LUZP2: variants seen among roughly 807,000 people sequenced by gnomAD.
The protein encoded by LUZP2 is leucine zipper protein 2.
Under a neutral mutation model 51.6 loss-of-function variants are expected in LUZP2, and 52 were observed. That is an observed-to-expected ratio of 1.01 (90% CI 0.81 to 1.27). LUZP2 has a LOEUF of 1.27. Among genes scored for constraint, LUZP2 ranks in the 50% most tolerant of loss-of-function variants. The probability of loss-of-function intolerance (pLI) is 0.00; values close to 1 mark genes in which losing one functional copy is unlikely to be tolerated. For missense variants in LUZP2, 436 were observed against 395.4 expected, an observed-to-expected ratio of 1.10 and a Z score of -0.87; for synonymous variants, 154 against 137.3, an observed-to-expected ratio of 1.12 and a Z score of -0.85.
chr11:24,587,353 C>CAT, intron 1 of LUZP2, among the ~76,000 whole-genome samples: 1 of 152,062 alleles, frequency 6.6e-6, no homozygotes, highest in African/African-American at 2.4e-5. Flanking sequence ...TCAGAATTCC[C>CAT]TATCTGGAAT....
intron 1 of LUZP2, among the ~76,000 whole-genome samples, chr11:24,595,559 A>G (rs1853413898): frequency 6.6e-6 from 1 of 152,176 alleles, no homozygotes; most frequent in Non-Finnish European, 1.5e-5. Context: ...ATTTTTTTAC[A>G]TTAGAGGTTA....
chr11:24,686,768 C>T (rs1856908166), intron 1 of LUZP2, among the ~76,000 whole-genome samples: 1 of 152,150 alleles, frequency 6.6e-6, no homozygotes, highest in Admixed American at 6.5e-5. Context: ...TAGGTGAATA[C>T]TATATAATTT....
chr11:24,903,895 T>G (rs1565085000), intron 5 of LUZP2, among the ~76,000 whole-genome samples: 2 of 152,174 alleles, frequency 1.3e-5, no homozygotes, highest in Non-Finnish European at 2.9e-5. Context: ...TGTATACTCA[T>G]TCAGAAAGAG....
At chr11:24,517,822 C>A (rs562930751) in intron 1 of LUZP2, among the ~76,000 whole-genome samples, 7 of 152,030 alleles carry the variant, frequency 4.6e-5, no homozygotes, top group Non-Finnish European at 8.8e-5. Context: ...AAAGAAAAAT[C>A]CTTTTGTGTT....
chr11:24,656,393 G>A (rs1855804941), intron 1 of LUZP2, among the ~76,000 whole-genome samples: 1 of 152,140 alleles, frequency 6.6e-6, no homozygotes, highest in African/African-American at 2.4e-5. Flanking sequence ...GTAGATAGAG[G>A]CTTGGTTACC....
chr11:24,723,464 A>G (rs1858355066), intron 1 of LUZP2, among the ~76,000 whole-genome samples: 1 of 152,236 alleles, frequency 6.6e-6, no homozygotes, highest in Non-Finnish European at 1.5e-5. Context: ...GGAAAAAGTC[A>G]CAAGTGTCTA....
chr11:25,002,278 A>G (rs1004932999), intron 9 of LUZP2, among the ~76,000 whole-genome samples: 9 of 152,170 alleles, frequency 5.9e-5, no homozygotes, highest in Admixed American at 2.0e-4. Context: ...CCACAAATGA[A>G]CTTCCATCGT....
intron 5 of LUZP2, among the ~76,000 whole-genome samples, chr11:24,860,326 G>T (rs542454086): frequency 6.6e-6 from 1 of 152,294 alleles, no homozygotes; most frequent in African/African-American, 2.4e-5. Flanking sequence ...GGGAGGGGTG[G>T]CTGCAGCCTC....
intron 5 of LUZP2, among the ~76,000 whole-genome samples, chr11:24,846,331 C>T (rs1004953285): frequency 7.9e-5 from 12 of 151,366 alleles, no homozygotes; most frequent in Non-Finnish European, 1.3e-4. Context: ...AAGTCAAATC[C>T]GCCAAATAAA....
chr11:24,916,087 A>G (rs948704814), intron 7 of LUZP2, among the ~76,000 whole-genome samples: 4 of 152,026 alleles, frequency 2.6e-5, no homozygotes, highest in Non-Finnish European at 5.9e-5. Flanking sequence ...ATAATGACAC[A>G]TGCTGGCACT....
At chr11:24,503,391 C>A (rs1324551113) in intron 1 of LUZP2, among the ~76,000 whole-genome samples, 1 of 152,080 alleles carries the variant, frequency 6.6e-6, no homozygotes, top group Admixed American at 6.5e-5. Context: ...AGAGAAAGTG[C>A]AAATATTTAC....
At chr11:24,806,051 A>T (rs1849847741) in intron 5 of LUZP2, among the ~76,000 whole-genome samples, 1 of 152,188 alleles carries the variant, frequency 6.6e-6, no homozygotes, top group Admixed American at 6.6e-5. Context: ...GTGTTGGAAG[A>T]TATGAAGAGA....
At chr11:24,659,558 C>T (rs536904097) in intron 1 of LUZP2, among the ~76,000 whole-genome samples, 48 of 151,870 alleles carry the variant, frequency 3.2e-4, no homozygotes, top group African/African-American at 1.1e-3. Context: ...TACCCTAAAA[C>T]TTTAAGTATA....
intron 5 of LUZP2, among the ~76,000 whole-genome samples, chr11:24,882,419 A>T (rs977120153): frequency 1.3e-5 from 2 of 152,060 alleles, no homozygotes; most frequent in African/African-American, 4.8e-5. Flanking sequence ...TACATGTATT[A>T]CAATCAATAA....
At chr11:24,862,927 AAAC>A (rs1420884533) in intron 5 of LUZP2, among the ~76,000 whole-genome samples, 1 of 152,234 alleles carries the variant, frequency 6.6e-6, no homozygotes, top group African/African-American at 2.4e-5. Context: ...TTTTTTAAGA[AAAC>A]AATTAATAAG....
intron 6 of LUZP2, among the ~76,000 whole-genome samples, chr11:24,911,125 A>G (rs1272954508): frequency 1.3e-5 from 2 of 152,050 alleles, no homozygotes; most frequent in Admixed American, 1.3e-4. Flanking sequence ...CTTCATTTGG[A>G]ATGGGTATAT....
intron 5 of LUZP2, among the ~76,000 whole-genome samples, chr11:24,842,712 A>C: frequency 6.6e-6 from 1 of 152,054 alleles, no homozygotes; most frequent in East Asian, 1.9e-4. Context: ...AATTTTAATT[A>C]CCTAAACTTA....
At chr11:24,808,137 AG>A (rs1389543714) in intron 5 of LUZP2, among the ~76,000 whole-genome samples, 1 of 152,240 alleles carries the variant, frequency 6.6e-6, no homozygotes, top group Admixed American at 6.5e-5. Flanking sequence ...TTCACTTACA[AG>A]ATTACTTCCA....
intron 1 of LUZP2, among the ~76,000 whole-genome samples, chr11:24,704,737 C>T (rs978458773): frequency 6.6e-6 from 1 of 152,042 alleles, no homozygotes; most frequent in African/African-American, 2.4e-5. Context: ...AAATTGCTAT[C>T]AAATTTTGTG....
Sources: gnomAD v4.1 joint callset for allele counts (sites outside exome capture counted in the v4.1 genomes callset) on GRCh38, gnomAD v4.1.1 for gene constraint, MANE v1.5 for transcripts, NCBI Gene and HGNC (gene_info 2026-07-23, HGNC 2026-07-21) for gene names.